The following SCN9A variants were observed in gnomAD, a reference collection of about 807,000 sequenced individuals.
SCN9A encodes sodium voltage-gated channel alpha subunit 9.
SCN9A carries 131 observed loss-of-function variants against 187.0 expected under a neutral mutation model. The ratio of observed to expected loss-of-function variants is 0.70; its 90% CI spans 0.61 to 0.81. The LOEUF is 0.81. SCN9A is among the 30% of genes least tolerant of loss of function. The probability of loss-of-function intolerance (pLI) is 0.00; values close to 1 mark genes in which losing one functional copy is unlikely to be tolerated. For missense variants in SCN9A, 2,252 were observed against 2,396.6 expected, an observed-to-expected ratio of 0.94 and a Z score of 1.26; for synonymous variants, 809 against 808.6, an observed-to-expected ratio of 1.00 and a Z score of -0.01.
At chr2:166,209,731 G>A (rs1693992781) in intron 24 of SCN9A, among the ~76,000 whole-genome samples, 1 of 151,876 alleles carries the variant, frequency 6.6e-6, no homozygotes, top group African/African-American at 2.4e-5. Flanking sequence ...GGCCATCAGA[G>A]AAATGCAAAT....
At chr2:166,255,344 A>G (rs894399903) in intron 17 of SCN9A, among the ~76,000 whole-genome samples, 10 of 151,582 alleles carry the variant, frequency 6.6e-5, no homozygotes, top group African/African-American at 2.4e-4. Flanking sequence ...ATACTGCTTG[A>G]GTAGAAATTG....
chr2:166,330,010 AT>A (rs1699462934), intron 1 of SCN9A, among the ~76,000 whole-genome samples: 1 of 152,206 alleles, frequency 6.6e-6, no homozygotes, highest in Non-Finnish European at 1.5e-5. Context: ...TTTGAAATAT[AT>A]AGCTTCATAA....
intron 1 of SCN9A, among the ~76,000 whole-genome samples, chr2:166,370,472 C>G (rs941803265): frequency 2.0e-5 from 3 of 150,690 alleles, no homozygotes; most frequent in South Asian, 2.1e-4. Context: ...GAACCCAGGA[C>G]GCGGAGCTTG....
chr2:166,201,271 A>G (rs1693502469), intron 26 of SCN9A, among the ~76,000 whole-genome samples: 2 of 145,318 alleles, frequency 1.4e-5, no homozygotes, highest in South Asian at 4.2e-4. Flanking sequence ...ATACATATAC[A>G]TATACTATAC....
chr2:166,276,885 A>T, intron 16 of SCN9A, 98 bp downstream of exon 16: 1 of 886,746 alleles, frequency 1.1e-6, no homozygotes, highest in Non-Finnish European at 1.6e-6. Context: ...TAATAATTGT[A>T]GATATAATTA....
In SCN9A at chr2:166,282,758, A is replaced by G. The variant is rs1697549344; in HGVS notation, c.1975-950T>C. ...AAAACACAGACATACAGGCATAGAT[A>G]TGTGCATGGGTGTATTATGCATCTA... On this transcript the variant is annotated intron_variant, in intron 12 of 26. Transcript: ENST00000642356. Among the ~76,000 whole-genome samples, 4 of 152,148 alleles carry G rather than the reference A, an allele frequency of 2.6e-5. No individual in the cohort carries two copies. The South Asian group carries it at 8.3e-4, about 31-fold the overall frequency.
rs926317229 is a variant in SCN9A, at chr2:166,214,833, A to G, written c.4399-10369T>C. On this transcript the variant is annotated intron_variant, in intron 24 of 26. Transcript: ENST00000642356. ...CCGGCCACAATCTTTCTTTTAAAAG[A>G]TGTGGAAGGTCTCTACCACCAAGAA... Among the ~76,000 whole-genome samples, 7 of 151,638 alleles carry G rather than the reference A, an allele frequency of 4.6e-5. No homozygotes were observed. The East Asian group carries it at 1.4e-3, about 30-fold the overall frequency.
In SCN9A at chr2:166,196,767, T is replaced by A. The variant is rs200049536; in HGVS notation, c.*1905A>T. 2.0e-5 allele frequency: 3 copies of A among 152,134 alleles called. No homozygotes were observed. The highest frequency in any genetic ancestry group is 2.4e-5 in the African/African-American group (1 of 41,454). The allele number at this position is 152,134 out of a possible 1,614,324, so 9.4% of individuals were successfully genotyped here. On this transcript the variant is annotated 3_prime_UTR_variant, in exon 27 of 27. Coordinates refer to ENST00000642356, the MANE Select transcript of SCN9A (RefSeq NM_001365536.1). Reference sequence around the variant, plus strand: ...CTATGTAGTCTCGGAAAACACTGCATGGTGTCTTTCATATTAAATTAAAAA... The same window carrying A: ...CTATGTAGTCTCGGAAAACACTGCAAGGTGTCTTTCATATTAAATTAAAAA...
At chr2:166,321,451 A>C (rs1165714057) in intron 1 of SCN9A, 1 of 151,344 alleles carries the variant, frequency 6.6e-6, no homozygotes, top group Non-Finnish European at 1.5e-5. Flanking sequence ...GAGCCTGGGG[A>C]GGTTGAGTCT....
At chr2:166,201,875 A>T (rs1305057259) in intron 26 of SCN9A, among the ~76,000 whole-genome samples, 1 of 151,638 alleles carries the variant, frequency 6.6e-6, no homozygotes, top group East Asian at 1.9e-4. Flanking sequence ...TTTTCATGAC[A>T]TTTGAAAACA....
At chr2:166,307,233 A>G (rs922957771) in intron 2 of SCN9A, among the ~76,000 whole-genome samples, 159 bp from the exon 3 acceptor site, 1 of 152,172 alleles carries the variant, frequency 6.6e-6, no homozygotes, top group African/African-American at 2.4e-5. Context: ...GCATCTATCA[A>G]TGTCACCTTG....
At chr2:166,210,921 T>G (rs1214440733) in intron 24 of SCN9A, among the ~76,000 whole-genome samples, 1 of 151,790 alleles carries the variant, frequency 6.6e-6, no homozygotes, top group Non-Finnish European at 1.5e-5. Flanking sequence ...ATCAGCTGGG[T>G]GTGGTGGTGG....
chr2:166,329,361 T>G (rs1330019455), intron 1 of SCN9A, among the ~76,000 whole-genome samples: 1 of 152,168 alleles, frequency 6.6e-6, no homozygotes, highest in African/African-American at 2.4e-5. Flanking sequence ...GTGTGAAATA[T>G]TATACTGATA....
chr2:166,340,761 C>G lies in SCN9A; in HGVS notation c.-50-28955G>C, dbSNP rs534286923. 3.3e-5 allele frequency among the ~76,000 whole-genome samples: 5 copies of G among 152,036 alleles called. No individual in the cohort carries two copies. The South Asian group carries it at 1.0e-3, about 32-fold the overall frequency. On this transcript the variant is annotated intron_variant, in intron 1 of 26. Coordinates refer to ENST00000642356, the MANE Select transcript of SCN9A (RefSeq NM_001365536.1). ...TCAGCCTCTCAAGTAGCTAGGACTG[C>G]AGGCAGGCGCCACAACACCCGGCTA... is the stretch of plus-strand genomic sequence containing the variant.
chr2:166,359,527 C>T (rs1311974074), intron 1 of SCN9A, among the ~76,000 whole-genome samples: 7 of 151,978 alleles, frequency 4.6e-5, no homozygotes. Context: ...GAAATCTTAC[C>T]ATTGCATCCT....
intron 1 of SCN9A, among the ~76,000 whole-genome samples, chr2:166,315,538 C>T (rs1054586767): frequency 2.6e-5 from 4 of 152,188 alleles, no homozygotes; most frequent in Non-Finnish European, 4.4e-5. Context: ...ACCTGCTTAA[C>T]ATCATGATCT....
At chr2:166,244,511 A>G (rs1260328771) in intron 18 of SCN9A, among the ~76,000 whole-genome samples, 1 of 152,050 alleles carries the variant, frequency 6.6e-6, no homozygotes, top group Non-Finnish European at 1.5e-5. Flanking sequence ...ACTAAGACAT[A>G]TCACTTCCTA....
chr2:166,298,342 C>T (rs927151998), intron 7 of SCN9A, among the ~76,000 whole-genome samples: 5 of 152,184 alleles, frequency 3.3e-5, no homozygotes, highest in African/African-American at 7.2e-5. Context: ...CATAATACTG[C>T]ACATTTAGCT....
At chr2:166,246,447 T>C (rs1253470382) in intron 18 of SCN9A, among the ~76,000 whole-genome samples, 2 of 151,988 alleles carry the variant, frequency 1.3e-5, no homozygotes, top group African/African-American at 2.4e-5. Flanking sequence ...TCTACATGCA[T>C]TTAGTTAAGA....
Sources: allele counts gnomAD v4.1 joint callset (sites outside exome capture counted in the v4.1 genomes callset), GRCh38; gene constraint gnomAD v4.1.1; transcripts MANE v1.5; gene names NCBI Gene and HGNC (gene_info 2026-07-23, HGNC 2026-07-21).